DAB2IP: variants seen among roughly 807,000 people sequenced by gnomAD.
DAB2IP encodes the protein disabled homolog 2-interacting protein.
DAB2IP carries 28 observed loss-of-function variants against 107.2 expected under a neutral mutation model. That is an observed-to-expected ratio of 0.26 (90% confidence interval 0.19 to 0.36). DAB2IP has a LOEUF of 0.36. Among genes scored for constraint, DAB2IP ranks in the 10% least tolerant of loss-of-function variants. The pLI is 1.00. For missense variants in DAB2IP, 1,400 were observed against 1,644.7 expected (o/e 0.85, Z 2.57); for synonymous variants, 755 against 706.4 (o/e 1.07, Z -1.09).
At chr9:121,732,051 CA>C (rs1356868546) in intron 3 of DAB2IP, among the ~76,000 whole-genome samples, 1 of 152,042 alleles carries the variant, frequency 6.6e-6, no homozygotes, top group East Asian at 1.9e-4. Context: ...TCTGGGGGGC[CA>C]GGGCTGAGGG....
chr9:121,641,995 T>TCTCTCTCTCTC (rs1832337279), intron 1 of DAB2IP, among the ~76,000 whole-genome samples: 10 of 34,984 alleles, frequency 2.9e-4, no homozygotes, highest in South Asian at 1.2e-3. Context: ...TTTCTTTCCT[T>TCTCTCTCTCTC]TCTCTCTCTC....
intron 3 of DAB2IP, among the ~76,000 whole-genome samples, chr9:121,755,578 T>G (rs1021529870): frequency 6.6e-6 from 1 of 152,184 alleles, no homozygotes; most frequent in Non-Finnish European, 1.5e-5. Flanking sequence ...CTCTGACTCC[T>G]TACGGCATCT....
Position 121,699,479 on chromosome 9 carries a change from C to T in DAB2IP, c.362+21C>T. The T allele has an allele frequency of 3.9e-6, 5 of 1,288,968 alleles. No individual in the cohort carries two copies. The highest frequency in any genetic ancestry group is 4.9e-6 in the Non-Finnish European group (5 of 1,013,808). 79.8% of individuals were successfully genotyped at this position (1,288,968 alleles called of 1,614,324 possible). A position where few individuals can be genotyped will look rare whatever the true frequency, so the allele number is the denominator to read the frequency against. On this transcript the variant is annotated intron_variant, in intron 3 of 15. Transcript: ENST00000408936. This position sits in a 1 kb window ranked among gnomAD's most constrained non-coding sequence, Gnocchi z 6.2. ...GAGAGGTGAGCCCGCCGCCGCCGCC[C>T]GGTCCCCCGCGCCGCCGCCCCGGGC... is the stretch of plus-strand genomic sequence containing the variant.
rs570900521 is a variant in DAB2IP, at chr9:121,635,796, G to A, written c.41-42882G>A. Among the ~76,000 whole-genome samples, 1 of 152,148 alleles carries A rather than the reference G, an allele frequency of 6.6e-6. No homozygotes were observed. The highest frequency in any genetic ancestry group is 1.5e-5 in the Non-Finnish European group (1 of 67,970). ...CGCAGAGCCTTAAAGACGCAGCCAT[G>A]GGCATCCCCTGCAGGGCCTGGCAGG... On this transcript the variant is annotated intron_variant, in intron 1 of 16. Coordinates refer to the DAB2IP transcript ENST00000259371. The surrounding 1 kb of genome is among the most constrained non-coding windows in gnomAD (Gnocchi z 4.3).
At chr9:121,713,177 G>A (rs916510614) in intron 3 of DAB2IP, among the ~76,000 whole-genome samples, 4 of 152,176 alleles carry the variant, frequency 2.6e-5, no homozygotes, top group South Asian at 2.1e-4. Context: ...GCGGGTAATT[G>A]TCTCACCCAG....
intron 3 of DAB2IP, among the ~76,000 whole-genome samples, chr9:121,755,430 A>G (rs1469716455): frequency 6.6e-6 from 1 of 152,200 alleles, no homozygotes; most frequent in Non-Finnish European, 1.5e-5. Flanking sequence ...CTTGTCTCAC[A>G]GTTTTCCTCT....
At chr9:121,665,151 G>GA (rs1307590413) in intron 1 of DAB2IP, among the ~76,000 whole-genome samples, 3 of 152,100 alleles carry the variant, frequency 2.0e-5, no homozygotes, top group Admixed American at 1.3e-4. Context: ...ATATTTGTTA[G>GA]AAAAAATAAG....
At chr9:121,681,435 C>T (rs1019886815) in intron 2 of DAB2IP, among the ~76,000 whole-genome samples, 2 of 152,192 alleles carry the variant, frequency 1.3e-5, no homozygotes, top group Non-Finnish European at 2.9e-5. Flanking sequence ...GTAGAAACCA[C>T]CTTCAGTCAG....
chr9:121,747,555 G>A (rs1832804444), intron 3 of DAB2IP, among the ~76,000 whole-genome samples: 2 of 152,024 alleles, frequency 1.3e-5, no homozygotes, highest in South Asian at 4.1e-4. Flanking sequence ...CACCGTGTTA[G>A]CCAGGATGGT....
At chr9:121,688,821 G>A (rs1829018717) in intron 2 of DAB2IP, among the ~76,000 whole-genome samples, 1 of 152,202 alleles carries the variant, frequency 6.6e-6, no homozygotes, top group Admixed American at 6.5e-5. Context: ...GAATTAAATG[G>A]AGTAAGCGCA....
At chr9:121,630,456 T>A (rs925140927) in intron 1 of DAB2IP, among the ~76,000 whole-genome samples, 9 of 149,522 alleles carry the variant, frequency 6.0e-5, no homozygotes, top group African/African-American at 2.2e-4. Context: ...GCCTGGGAGG[T>A]AGAGGTTGTA....
chr9:121,709,287 C>T (rs900403926), intron 3 of DAB2IP, among the ~76,000 whole-genome samples: 4 of 152,170 alleles, frequency 2.6e-5, no homozygotes, highest in African/African-American at 4.8e-5. Flanking sequence ...ATGGAGCCAT[C>T]GTAGCGGGGC....
exon 12 of DAB2IP, chr9:121,773,255 C>T: frequency 1.3e-6 from 2 of 1,544,258 alleles, no homozygotes; most frequent in African/African-American, 1.4e-5. Flanking sequence ...CACGGCAGAA[C>T]AGTGCTGGCC....
chr9:121,725,425 A>T (rs1487812706), intron 3 of DAB2IP, among the ~76,000 whole-genome samples: 2 of 152,160 alleles, frequency 1.3e-5, no homozygotes, highest in Non-Finnish European at 2.9e-5. Context: ...TCCACTGCCC[A>T]GGGTCACCCT....
In DAB2IP at chr9:121,670,933, G is replaced by T. The variant is rs761689093; in HGVS notation, c.125-7745G>T. ...TTTGGGAGGCCGAGGCAGGAGGATC[G>T]CGAGGTCAAGAGATCGAGACCATCC... is the stretch of plus-strand genomic sequence containing the variant. On this transcript the variant is annotated intron_variant, in intron 1 of 15. Transcript: ENST00000408936. Among the ~76,000 whole-genome samples, 8 of 152,162 alleles carry T rather than the reference G, an allele frequency of 5.3e-5. No individual in the cohort carries two copies. In the East Asian group the frequency reaches 1.4e-3, roughly 26 times the overall value.
At position 121,783,339 on chromosome 9, in the gene DAB2IP, C is replaced by T. The variant is rs577846321; in HGVS notation, c.*841C>T. 1.7e-5 allele frequency: 25 copies of T among 1,448,318 alleles called. No homozygotes were observed. In the African/African-American group the frequency reaches 3.4e-4, roughly 20 times the overall value. The allele number at this position is 1,448,318 out of a possible 1,614,324, so 89.7% of individuals were successfully genotyped here. A position where few individuals can be genotyped will look rare whatever the true frequency, so the allele number is the denominator to read the frequency against. On this transcript the variant is annotated 3_prime_UTR_variant, in exon 16 of 16. Transcript: ENST00000408936. The stretch of plus-strand genomic sequence containing the variant: ...AGCCAGAGATCTGGGCGGATCTGGC[C>T]AGATGGCTCTGAGCACTGTATCTGC...
At chr9:121,734,966 C>T (rs187051706) in intron 3 of DAB2IP, among the ~76,000 whole-genome samples, 2 of 152,316 alleles carry the variant, frequency 1.3e-5, no homozygotes, top group Admixed American at 1.3e-4. Flanking sequence ...AGAGGATGCA[C>T]TCTGCTTTCG....
chr9:121,770,649 C>T lies in DAB2IP; in HGVS notation c.2003C>T (p.Ala668Val), dbSNP rs1834652845. 6.2e-7 allele frequency: 1 copy of T among 1,614,114 alleles called. No individual in the cohort carries two copies. The highest frequency in any genetic ancestry group is 8.5e-7 in the Non-Finnish European group (1 of 1,180,028). The change falls in exon 11 of 16, where the codon GCC (alanine) becomes GTC (valine). Residue 668 changes from alanine (A) to valine (V), a missense_variant. Coordinates refer to ENST00000408936, the Ensembl canonical transcript of DAB2IP. ...CAGCTCCCAGGGACCAATGACCTGG[C>T]CTCCACACCGGGCTCTGGCAGCAGC... is the stretch of plus-strand genomic sequence containing the variant.
chr9:121,724,338 T>A (rs1831104890), intron 3 of DAB2IP, among the ~76,000 whole-genome samples: 1 of 152,032 alleles, frequency 6.6e-6, no homozygotes, highest in Admixed American at 6.5e-5. Context: ...TTTGTCCTTG[T>A]TCCCTCTTCT....
Sources: gnomAD v4.1 joint callset for allele counts (sites outside exome capture counted in the v4.1 genomes callset) on GRCh38, gnomAD v4.1.1 for gene constraint, Gnocchi (gnomAD v3.1) non-coding constraint, MANE v1.5 for transcripts, NCBI Gene and HGNC (gene_info 2026-07-23, HGNC 2026-07-21) for gene names.